SLC10A7: variants seen among roughly 807,000 people sequenced by gnomAD.
The protein encoded by SLC10A7 is sodium/bile acid cotransporter 7.
In SLC10A7, 29 loss-of-function variants were observed where a neutral mutation model predicts 43.2. The observed-to-expected ratio is 0.67, with a 90% CI of 0.50 to 0.92. The LOEUF (loss-of-function observed/expected upper bound fraction) is 0.92, where lower values mean the gene tolerates loss of function less well. Among genes scored for constraint, SLC10A7 ranks in the 40% least tolerant of loss-of-function variants. SLC10A7 has a pLI of 0.00. For missense variants in SLC10A7, 295 were observed against 403.2 expected, an observed-to-expected ratio of 0.73 and a Z score of 2.30; for synonymous variants, 152 against 144.8, an observed-to-expected ratio of 1.05 and a Z score of -0.35.
At chr4:146,500,212 C>G (rs1354254905) in intron 4 of SLC10A7, among the ~76,000 whole-genome samples, 1 of 152,190 alleles carries the variant, frequency 6.6e-6, no homozygotes, top group East Asian at 1.9e-4. Context: ...AAACACACAA[C>G]CACAATGCCT....
chr4:146,520,537 A>T (rs1011303183), intron 1 of SLC10A7, among the ~76,000 whole-genome samples: 1 of 152,238 alleles, frequency 6.6e-6, no homozygotes, highest in Non-Finnish European at 1.5e-5. Flanking sequence ...TTCTAAACAG[A>T]GTAATGGGGT....
rs115145505 is a variant in SLC10A7, at chr4:146,505,596, A to G, written c.321-1672T>C. On this transcript the variant is annotated intron_variant, in intron 3 of 11. Coordinates refer to ENST00000335472, the MANE Select transcript of SLC10A7 (RefSeq NM_001029998.6). ...CTAAACTTTATGCAATGGATTCAACATTAGCTCTGAAATAGGAAAAAAATG... is the reference window on the plus strand; with the variant it reads ...CTAAACTTTATGCAATGGATTCAACGTTAGCTCTGAAATAGGAAAAAAATG... Among the ~76,000 whole-genome samples the G allele has an allele frequency of 2.2e-3, 328 of 152,318 alleles. 1 individual carries two copies. Among genetic ancestry groups the G allele is most frequent in the Non-Finnish European group, 3.6e-3 (242 of 68,028 alleles).
At chr4:146,340,220 T>A (rs556682938) in intron 5 of SLC10A7, among the ~76,000 whole-genome samples, 18 of 151,968 alleles carry the variant, frequency 1.2e-4, no homozygotes, top group African/African-American at 4.3e-4. Flanking sequence ...GGCAGTGCTC[T>A]CCAAAGCCTG....
chr4:146,266,093 G>A (rs892179742), intron 10 of SLC10A7, among the ~76,000 whole-genome samples: 1 of 152,168 alleles, frequency 6.6e-6, no homozygotes, highest in African/African-American at 2.4e-5. Context: ...GGGTTTTGGA[G>A]AGAGCTGCTG....
At chr4:146,356,904 C>T (rs2062436) in intron 5 of SLC10A7, among the ~76,000 whole-genome samples, 73,224 of 151,954 alleles carry the variant, frequency 0.48, 18,000 homozygotes, top group East Asian at 0.62. Context: ...AATACTATAC[C>T]TGGATTAATT....
At chr4:146,471,567 C>T (rs1733575213) in intron 4 of SLC10A7, among the ~76,000 whole-genome samples, 2 of 152,052 alleles carry the variant, frequency 1.3e-5, no homozygotes, top group Admixed American at 1.3e-4. Flanking sequence ...ATCCTCAATC[C>T]ATTGAAGTAT....
At chr4:146,256,997 G>A in intron 11 of SLC10A7, 1 of 1,154,072 alleles carries the variant, frequency 8.7e-7, no homozygotes, top group Non-Finnish European at 1.2e-6. Flanking sequence ...AAATGCTTCT[G>A]TTATTCTACA....
intron 5 of SLC10A7, among the ~76,000 whole-genome samples, chr4:146,402,129 G>A (rs1739266696): frequency 6.6e-6 from 1 of 152,124 alleles, no homozygotes; most frequent in African/African-American, 2.4e-5. Context: ...ATTGCTACTG[G>A]AGTGAAACTG....
chr4:146,330,259 T>A (rs974158529), intron 5 of SLC10A7, among the ~76,000 whole-genome samples: 5 of 152,280 alleles, frequency 3.3e-5, no homozygotes, highest in Admixed American at 6.5e-5. Context: ...AAACTGTGAA[T>A]GTGCTTCTCT....
intron 5 of SLC10A7, among the ~76,000 whole-genome samples, chr4:146,329,207 A>T (rs1033627181): frequency 2.6e-5 from 4 of 152,136 alleles, no homozygotes; most frequent in Non-Finnish European, 5.9e-5. Context: ...ATTCCTTCTT[A>T]TTTTCTCAAG....
At position 146,277,658 on chromosome 4, in the gene SLC10A7, T is replaced by A. The variant is rs539597928; in HGVS notation, c.847+5534A>T. Among the ~76,000 whole-genome samples, 15 of 152,232 alleles carry A rather than the reference T, an allele frequency of 9.9e-5. No individual in the cohort carries two copies. In the South Asian group the frequency reaches 3.1e-3, roughly 32 times the overall value. ...AGGAAATTGCATGACAGGAATATAT[T>A]TATGGCTACACTCCAAAGATAGTCT... On this transcript the variant is annotated intron_variant, in intron 10 of 11. Coordinates refer to ENST00000335472, the MANE Select transcript of SLC10A7 (RefSeq NM_001029998.6).
intron 5 of SLC10A7, among the ~76,000 whole-genome samples, chr4:146,334,497 A>AG (rs142662018): frequency 0.01 from 1,586 of 152,246 alleles, 24 homozygotes; most frequent in African/African-American, 0.036. Context: ...AAACAACAGC[A>AG]GCAATGTAAG....
chr4:146,303,858 C>CGATA (rs1048604470), intron 7 of SLC10A7, among the ~76,000 whole-genome samples: 10 of 78,056 alleles, frequency 1.3e-4, no homozygotes, highest in African/African-American at 5.3e-4. Context: ...CAACCCTTTA[C>CGATA]GATAGATATT....
chr4:146,377,470 C>G (rs981818949), intron 5 of SLC10A7, among the ~76,000 whole-genome samples: 8 of 152,196 alleles, frequency 5.3e-5, no homozygotes, highest in African/African-American at 1.9e-4. Flanking sequence ...CACCCCAGCC[C>G]TGGCACACAC....
chr4:146,368,401 G>T (rs1736545025), intron 5 of SLC10A7, among the ~76,000 whole-genome samples: 1 of 152,088 alleles, frequency 6.6e-6, no homozygotes, highest in South Asian at 2.1e-4. Flanking sequence ...TCTCTCCATG[G>T]TACTGTTACA....
rs575347300 is a variant in SLC10A7, at chr4:146,427,968, C to T, written c.435+14815G>A. ...GGATAATTGCTTGAGCCCAGGTGATCAAGAACCAGCCTTGGCAACAAAGTG... is the reference window on the plus strand; with the variant it reads ...GGATAATTGCTTGAGCCCAGGTGATTAAGAACCAGCCTTGGCAACAAAGTG... On this transcript the variant is annotated intron_variant, in intron 5 of 11. Coordinates refer to ENST00000335472, the MANE Select transcript of SLC10A7 (RefSeq NM_001029998.6). 3.0e-4 allele frequency among the ~76,000 whole-genome samples: 45 copies of T among 151,842 alleles called. No homozygotes were observed. The South Asian group carries it at 9.4e-3, about 32-fold the overall frequency.
chr4:146,369,054 T>G (rs546053984), intron 5 of SLC10A7, among the ~76,000 whole-genome samples: 2 of 152,196 alleles, frequency 1.3e-5, no homozygotes, highest in Admixed American at 1.3e-4. Context: ...GTCTGTCTTC[T>G]ATTATAACTT....
At chr4:146,298,441 T>C (rs916870935) in intron 7 of SLC10A7, among the ~76,000 whole-genome samples, 1 of 152,282 alleles carries the variant, frequency 6.6e-6, no homozygotes, top group Middle Eastern at 3.4e-3. Flanking sequence ...AAGACTAATA[T>C]GAAAGGCCCA....
chr4:146,331,632 A>T (rs1733543078), intron 5 of SLC10A7, among the ~76,000 whole-genome samples: 1 of 152,208 alleles, frequency 6.6e-6, no homozygotes, highest in Non-Finnish European at 1.5e-5. Flanking sequence ...TTCTGTATGT[A>T]TAAGAAAATC....
Sources: allele counts gnomAD v4.1 joint callset (sites outside exome capture counted in the v4.1 genomes callset), GRCh38; gene constraint gnomAD v4.1.1; transcripts MANE v1.5; gene names NCBI Gene and HGNC (gene_info 2026-07-23, HGNC 2026-07-21).